Variants in PAPLN observed in about 807,000 individuals in gnomAD.
PAPLN encodes the protein papilin, proteoglycan like sulfated glycoprotein, also known as papilin.
PAPLN carries 146 observed loss-of-function variants against 159.0 expected under a neutral mutation model. That is an observed-to-expected ratio of 0.92 (90% CI 0.80 to 1.05). PAPLN has a LOEUF of 1.05. Among genes scored for constraint, PAPLN ranks in the 50% least tolerant of loss-of-function variants. The pLI is 0.00. For missense variants in PAPLN, 1,720 were observed against 1,743.9 expected, an observed-to-expected ratio of 0.99 and a Z score of 0.24; for synonymous variants, 734 against 702.9, an observed-to-expected ratio of 1.04 and a Z score of -0.70.
chr14:73,270,780 ATGGGACAG>A (rs1247720748), intron 26 of PAPLN, among the ~76,000 whole-genome samples: 1 of 152,144 alleles, frequency 6.6e-6, no homozygotes, highest in Non-Finnish European at 1.5e-5. Flanking sequence ...TGTGTCCCAG[ATGGGACAG>A]ACATGGCCTC....
chr14:73,264,110 T>C, intron 20 of PAPLN, 101 bp from the exon 21 acceptor site: 1 of 1,591,870 alleles, frequency 6.3e-7, no homozygotes, highest in East Asian at 2.2e-5. Context: ...GGGTGCTCTG[T>C]AGACTCTGGT....
chr14:73,264,618 A>G lies in PAPLN; in HGVS notation c.3017A>G (p.Glu1006Gly), dbSNP rs1269340289. ...GGDMAVLSEAELSRFPQPRDP... is the reference protein window; with the variant it reads ...GGDMAVLSEAGLSRFPQPRDP... ...GACATGGCCGTGCTGTCTGAGGCTG[A>G]GCTGAGCCGCTTCCCTCAGCCCAGG... Residue 1006 changes from glutamate to glycine, a missense_variant, in exon 22 of 27, where the codon GAG becomes GGG. By Grantham distance (98) the Glu-to-Gly change is moderately conservative (BLOSUM62 -2). Coordinates refer to ENST00000644200, the MANE Select transcript of PAPLN (RefSeq NM_001365906.3). 3 of 1,604,198 alleles carry G rather than the reference A, an allele frequency of 1.9e-6. No homozygotes were observed. Among genetic ancestry groups the G allele is most frequent in the Non-Finnish European group, 2.5e-6 (3 of 1,177,546 alleles).
rs373353961 is a variant in PAPLN at position 73,259,359 on chromosome 14, G to T, written c.1799G>T (p.Gly600Val). ...GERGDPRGDQGTHLSALGPAP... is the reference protein window; with the variant it reads ...GERGDPRGDQVTHLSALGPAP... Reference sequence around the variant, plus strand: ...CGAGGTGACCCCAGGGGCGACCAAGGCACCCACCTGTCAGCCCTGGGCCCC... The same window carrying T: ...CGAGGTGACCCCAGGGGCGACCAAGTCACCCACCTGTCAGCCCTGGGCCCC... Residue 600 changes from glycine to valine, a missense_variant, in exon 16 of 27, where the codon GGC (glycine) becomes GTC (valine). By Grantham distance (109) the Gly-to-Val change is moderately radical. Coordinates refer to ENST00000644200, the MANE Select transcript of PAPLN (RefSeq NM_001365906.3). 1.3e-5 allele frequency: 21 copies of T among 1,611,826 alleles called. No homozygotes were observed. Among genetic ancestry groups the T allele is most frequent in the Non-Finnish European group, 1.7e-5 (20 of 1,179,064 alleles).
chr14:73,256,697 A>G (rs1885952939), intron 14 of PAPLN, among the ~76,000 whole-genome samples: 1 of 152,034 alleles, frequency 6.6e-6, no homozygotes, highest in Admixed American at 6.5e-5. Context: ...TTCAGGACCA[A>G]CATGGCAAAA....
intron 26 of PAPLN, 164 bp from the exon 27 acceptor site, chr14:73,272,331 T>G (rs868658935): frequency 8.9e-6 from 5 of 563,604 alleles, no homozygotes; most frequent in Non-Finnish European, 1.5e-5. Flanking sequence ...TCATCCCTCA[T>G]AGAGTTTGTA....
At chr14:73,263,074 C>A in intron 19 of PAPLN, 1 of 414,832 alleles carries the variant, frequency 2.4e-6, no homozygotes, top group Non-Finnish European at 4.2e-6. Flanking sequence ...GGTTCTCCAT[C>A]AGATCTCGCC....
At chr14:73,257,741 A>AG (rs1219531970) in intron 14 of PAPLN, among the ~76,000 whole-genome samples, 3 of 134,692 alleles carry the variant, frequency 2.2e-5, no homozygotes, top group African/African-American at 7.9e-5. Context: ...TTCATTATCT[A>AG]GTCTCTTTCT....
chr14:73,236,801 A>G (rs1450322758), upstream of PAPLN, among the ~76,000 whole-genome samples: 3 of 148,388 alleles, frequency 2.0e-5, no homozygotes, highest in Non-Finnish European at 4.5e-5. Context: ...GGGCAACAAG[A>G]GTGAAACTCC....
rs746013618 is a variant in PAPLN, at chr14:73,251,606, G to A, written c.670+40G>A. 14 of 1,613,238 alleles carry A rather than the reference G, an allele frequency of 8.7e-6. No homozygotes were observed. The East Asian group carries it at 2.2e-4, about 26-fold the overall frequency. On this transcript the variant is annotated intron_variant, in intron 8 of 26. Coordinates refer to ENST00000644200, the MANE Select transcript of PAPLN (RefSeq NM_001365906.3). ...TTAGGTCCTAGGCAGGTCTGGGGCT[G>A]CAGGGGGAGGTGCGGCACTGCTCCC...
At position 73,268,561 on chromosome 14, in the gene PAPLN, G is replaced by A. The variant is rs776788897; in HGVS notation, c.3505G>A (p.Gly1169Arg). Residue 1169 changes from glycine to arginine, a missense_variant, in exon 26 of 27, where the codon GGG becomes AGG. Coordinates refer to ENST00000644200, the MANE Select transcript of PAPLN (RefSeq NM_001365906.3). ...ESVNIRWSRN[G>R]LPVQADGHRV... ...CCAGTGTCCTCTCTCCTCCAGGAAC[G>A]GGCTACCTGTGCAGGCTGATGGCCA... 6 of 1,611,172 alleles carry A rather than the reference G, an allele frequency of 3.7e-6. No homozygotes were observed. The highest frequency in any genetic ancestry group is 4.2e-6 in the Non-Finnish European group (5 of 1,178,524).
intron 20 of PAPLN, 52 bp downstream of exon 20, chr14:73,263,834 TTC>T: frequency 3.0e-6 from 4 of 1,354,558 alleles, no homozygotes; most frequent in East Asian, 3.2e-5. Context: ...CCCCCCTACC[TTC>T]CCTGACAGGT....
At chr14:73,256,624 G>A (rs1008998815) in intron 14 of PAPLN, among the ~76,000 whole-genome samples, 1 of 152,000 alleles carries the variant, frequency 6.6e-6, no homozygotes, top group South Asian at 2.1e-4. Flanking sequence ...CCTGGGGGCT[G>A]GATGCAACTG....
chr14:73,255,153 C>T (rs1318325216), intron 14 of PAPLN, 135 bp downstream of exon 14: 5 of 1,276,700 alleles, frequency 3.9e-6, no homozygotes, highest in East Asian at 2.6e-5. Flanking sequence ...TCCCATGTCT[C>T]CCCCCGCTGA....
intron 5 of PAPLN, among the ~76,000 whole-genome samples, chr14:73,247,694 G>A (rs1884602498): frequency 6.7e-6 from 1 of 148,356 alleles, no homozygotes; most frequent in Non-Finnish European, 1.5e-5. Flanking sequence ...TGGGGATCGT[G>A]GCTGTGGGCA....
rs1037343427 is a variant in PAPLN at position 73,250,980 on chromosome 14, C to CGACCT, written c.541_545dup (p.Cys182Ter). 2 of 1,613,502 alleles carry CGACCT rather than the reference C, an allele frequency of 1.2e-6. No individual in the cohort carries two copies. The highest frequency in any genetic ancestry group is 2.7e-5 in the African/African-American group (2 of 74,932). Reference sequence around the variant, plus strand: ...TGTCTGCGGTGTGGGGGTGACGGCACGACCTGCTACCCCGTCGCAGGCACC... The same window carrying CGACCT: ...TGTCTGCGGTGTGGGGGTGACGGCACGACCTGACCTGCTACCCCGTCGCAGGCACC... On this transcript the variant is annotated frameshift_variant, in exon 7 of 27. Coordinates refer to ENST00000644200, the MANE Select transcript of PAPLN (RefSeq NM_001365906.3). LOFTEE classifies it high-confidence loss of function.
In PAPLN at chr14:73,246,058, C is replaced by T. The variant is rs1353249374; in HGVS notation, c.232-15C>T. ...CTCCGCCCTCCTGGATCCCGACTTC[C>T]CCTCCGCCCCGCAGAGCTGCCCCGA... On this transcript the variant is annotated splice_polypyrimidine_tract_variant and intron_variant, in intron 4 of 26. Coordinates refer to ENST00000644200, the MANE Select transcript of PAPLN (RefSeq NM_001365906.3). 6.6e-7 allele frequency: 1 copy of T among 1,524,420 alleles called. No individual in the cohort carries two copies. Among genetic ancestry groups the T allele is most frequent in the Non-Finnish European group, 8.8e-7 (1 of 1,139,910 alleles). The allele number at this position is 1,524,420 out of a possible 1,614,324, so 94.4% of individuals were successfully genotyped here.
chr14:73,266,931 C>A, intron 25 of PAPLN, 100 bp downstream of exon 25: 1 of 1,176,566 alleles, frequency 8.5e-7, no homozygotes. Context: ...ACCACTGCTT[C>A]CATTCCGGCT....
chr14:73,264,743 G>A lies in PAPLN; in HGVS notation c.3125+17G>A, dbSNP rs375014829. 1.3e-5 allele frequency: 21 copies of A among 1,611,908 alleles called. No homozygotes were observed. The highest frequency in any genetic ancestry group is 2.2e-5 in the East Asian group (1 of 44,786). On this transcript the variant is annotated intron_variant, in intron 22 of 26. Coordinates refer to ENST00000644200, the MANE Select transcript of PAPLN (RefSeq NM_001365906.3). ...TGCAAACAGGTAAGAACTCAGCAAT[G>A]CCATCTTGCCCTCCCCCACGCCAGG...
At chr14:73,263,894 T>G in intron 20 of PAPLN, 112 bp downstream of exon 20, 3 of 910,786 alleles carry the variant, frequency 3.3e-6, no homozygotes, top group Non-Finnish European at 4.5e-6. Context: ...ACAGACCCCC[T>G]CCTCCTTTGA....
Sources: gnomAD v4.1 joint callset for allele counts (sites outside exome capture counted in the v4.1 genomes callset) on GRCh38, gnomAD v4.1.1 for gene constraint, MANE v1.5 for transcripts, NCBI Gene and HGNC (gene_info 2026-07-23, HGNC 2026-07-21) for gene names.